Variants in KLHL8 observed in about 807,000 individuals in gnomAD.
KLHL8 encodes the protein kelch like family member 8.
Under a neutral mutation model 63.5 loss-of-function variants are expected in KLHL8, and 38 were observed. The observed-to-expected ratio is 0.60, with a 90% CI of 0.46 to 0.78. KLHL8 has a LOEUF of 0.78. Among genes scored for constraint, KLHL8 ranks in the 30% least tolerant of loss-of-function variants. KLHL8 has a pLI of 0.00. For synonymous variants in KLHL8, 224 were observed against 254.3 expected, an observed-to-expected ratio of 0.88 and a Z score of 1.13; for missense variants, 566 against 752.4, an observed-to-expected ratio of 0.75 and a Z score of 2.90.
At chr4:87,223,613 C>G (rs1049351232), upstream of KLHL8, among the ~76,000 whole-genome samples, 1 of 151,886 alleles carries the variant, frequency 6.6e-6, no homozygotes, top group Middle Eastern at 3.2e-3. Context: ...TGGGGAGCAC[C>G]TAAGATACAC....
chr4:87,235,881 C>G (rs953284559), intron 1 of KLHL8, among the ~76,000 whole-genome samples: 1 of 151,092 alleles, frequency 6.6e-6, no homozygotes, highest in Non-Finnish European at 1.5e-5. Context: ...GGTTGCGGGC[C>G]GCGGGGCGGG....
At position 87,185,602 on chromosome 4, in the gene KLHL8, C is replaced by T; in HGVS notation, c.414G>A (p.Gln138=). ...GAATACAGGCTGCATATAAGAGAGG[C>T]TGGACATTGTCAACAGTCAAAGTGA... The part of the protein sequence containing the change: ...SRLTLTVDNV[Q]PLLYAACILQ... Residue 138 remains glutamine, a synonymous_variant, in exon 3 of 10, where the codon CAG becomes CAA. Transcript: ENST00000273963. The T allele has an allele frequency of 6.2e-7, 1 of 1,614,224 alleles. No homozygotes were observed. The highest frequency in any genetic ancestry group is 1.1e-5 in the South Asian group (1 of 91,090).
intron 1 of KLHL8, among the ~76,000 whole-genome samples, chr4:87,210,274 G>A (rs1471963558): frequency 6.6e-6 from 1 of 152,142 alleles, no homozygotes; most frequent in African/African-American, 2.4e-5. Flanking sequence ...GAGGTCAGGA[G>A]ATCGAGACCA....
chr4:87,192,876 A>G (rs1731546607), intron 2 of KLHL8, among the ~76,000 whole-genome samples: 2 of 152,334 alleles, frequency 1.3e-5, no homozygotes, highest in African/African-American at 4.8e-5. Context: ...TAAACATAGG[A>G]AAGGTACAGT....
At chr4:87,178,414 G>T (rs1730911011) in intron 5 of KLHL8, 63 bp downstream of exon 5, 1 of 1,428,544 alleles carries the variant, frequency 7.0e-7, no homozygotes, top group Non-Finnish European at 9.4e-7. Flanking sequence ...TAAATTCTCA[G>T]AGTTGAAATA....
Position 87,163,917 on chromosome 4 carries a change from T to A in KLHL8, c.1700A>T (p.Tyr567Phe). The A allele has an allele frequency of 6.2e-7, 1 of 1,614,130 alleles. No homozygotes were observed. The highest frequency in any genetic ancestry group is 8.5e-7 in the Non-Finnish European group (1 of 1,180,000). ...ATCAAACGCTTCTACTGTATTTAAG[T>A]ATGCATTGCCATTATGACCACCAAC... The part of the protein sequence containing the change: ...FAVGGHNGNA[Y>F]LNTVEAFDPV... Residue 567 changes from tyrosine (Y) to phenylalanine (F), a missense_variant, in exon 9 of 10, where the codon TAC becomes TTC. Coordinates refer to ENST00000273963, the MANE Select transcript of KLHL8 (RefSeq NM_020803.5).
At chr4:87,205,755 C>T (rs565334034) in intron 1 of KLHL8, among the ~76,000 whole-genome samples, 8 of 152,268 alleles carry the variant, frequency 5.3e-5, no homozygotes, top group Admixed American at 4.6e-4. Context: ...TGAGCCACTG[C>T]ACCCAGGAGT....
chr4:87,163,986 C>T lies in KLHL8; in HGVS notation c.1631G>A (p.Arg544Lys). 1 of 1,614,126 alleles carries T rather than the reference C, an allele frequency of 6.2e-7. No homozygotes were observed. The highest frequency in any genetic ancestry group is 8.5e-7 in the Non-Finnish European group (1 of 1,179,962). ...CACTGTTGCGATTCCCACTCCACCT[C>T]TGGGAGTAGTAAGTGCTGCCACATA... ...WDYVAALTTP[R>K]GGVGIATVMG... is the part of the protein sequence containing the mutation. The change falls in exon 9 of 10, where the codon AGA becomes AAA. Residue 544 changes from arginine (R) to lysine (K), a missense_variant. By Grantham distance (26) the Arg-to-Lys change is conservative (BLOSUM62 2). Transcript: ENST00000273963.
At chr4:87,197,050 C>T (rs560336594) in intron 1 of KLHL8, among the ~76,000 whole-genome samples, 6 of 152,288 alleles carry the variant, frequency 3.9e-5, no homozygotes, top group African/African-American at 9.6e-5. Flanking sequence ...CTCATCATTT[C>T]CAGCTTTTGA....
At position 87,185,350 on chromosome 4, in the gene KLHL8, T is replaced by C. The variant is rs1253305557; in HGVS notation, c.666A>G (p.Leu222=). Residue 222 remains leucine, a synonymous_variant, in exon 3 of 10, where the codon CTA becomes CTG. Coordinates refer to ENST00000273963, the MANE Select transcript of KLHL8 (RefSeq NM_020803.5). ...HLHKLLSSSD[L]NIENEKQVYN... ...AGACCTGCTTTTCATTTTCAATATT[T>C]AGATCACTGGAGGACAAAAGCTTAT... 1.2e-6 allele frequency: 2 copies of C among 1,614,192 alleles called. No individual in the cohort carries two copies.
At chr4:87,225,425 A>G (rs1232850706), upstream of KLHL8, among the ~76,000 whole-genome samples, 2 of 152,210 alleles carry the variant, frequency 1.3e-5, no homozygotes, top group Non-Finnish European at 2.9e-5. Context: ...CTTGGACTAT[A>G]AATGGATGCA....
At chr4:87,167,668 AT>A in intron 8 of KLHL8, 1 of 397,784 alleles carries the variant, frequency 2.5e-6, no homozygotes, top group Non-Finnish European at 4.9e-6. Flanking sequence ...GATGTAGACA[AT>A]TTTCTAAGAC....
intron 6 of KLHL8, among the ~76,000 whole-genome samples, chr4:87,172,638 CT>C (rs1271626825): frequency 6.6e-6 from 1 of 152,220 alleles, no homozygotes; most frequent in Admixed American, 6.5e-5. Flanking sequence ...CTCTACCTAA[CT>C]GTTCTTTCTA....
intron 1 of KLHL8, among the ~76,000 whole-genome samples, chr4:87,229,674 C>T (rs533690881): frequency 3.8e-4 from 58 of 151,898 alleles, no homozygotes; most frequent in African/African-American, 1.4e-3. Context: ...TCAATTGATC[C>T]ACCTGCCTTA....
At chr4:87,184,787 C>T (rs749145443) in intron 3 of KLHL8, among the ~76,000 whole-genome samples, 13 of 151,950 alleles carry the variant, frequency 8.6e-5, no homozygotes, top group South Asian at 2.1e-4. Context: ...AGTCAAACTA[C>T]GGTGAGAGAA....
At chr4:87,187,681 C>T (rs866979734) in intron 2 of KLHL8, among the ~76,000 whole-genome samples, 5 of 152,056 alleles carry the variant, frequency 3.3e-5, no homozygotes, top group East Asian at 1.9e-4. Context: ...ATTTACTTCA[C>T]GTATTTTTTA....
chr4:87,220,846 T>G (rs1455904250), upstream of KLHL8: 1 of 152,254 alleles, frequency 6.6e-6, no homozygotes, highest in Non-Finnish European at 1.5e-5. Context: ...ACCTTTGAGC[T>G]TATCCATGCT....
intron 2 of KLHL8, among the ~76,000 whole-genome samples, chr4:87,191,163 G>A (rs2110005797): frequency 6.6e-6 from 1 of 152,008 alleles, no homozygotes; most frequent in Middle Eastern, 3.4e-3. Flanking sequence ...GTATGTAAAG[G>A]GAAATATTTT....
intron 6 of KLHL8, among the ~76,000 whole-genome samples, chr4:87,175,993 A>T (rs1283941224): frequency 6.6e-6 from 1 of 152,228 alleles, no homozygotes; most frequent in Non-Finnish European, 1.5e-5. Context: ...CTCTGCCATT[A>T]TTCACCTGTA....
Sources: allele counts gnomAD v4.1 joint callset (sites outside exome capture counted in the v4.1 genomes callset), GRCh38; gene constraint gnomAD v4.1.1; transcripts MANE v1.5; gene names NCBI Gene and HGNC (gene_info 2026-07-23, HGNC 2026-07-21).